Variants in FRK observed in about 807,000 individuals in gnomAD.
FRK encodes tyrosine-protein kinase FRK.
A neutral mutation model predicts 56.4 loss-of-function variants in FRK; 51 were observed. The observed-to-expected ratio is 0.90, with a 90% CI of 0.72 to 1.14. The LOEUF (loss-of-function observed/expected upper bound fraction) is 1.14, where lower values mean the gene tolerates loss of function less well. Ranked by LOEUF, FRK falls within the 50% of genes most tolerant of loss-of-function variation. The probability of loss-of-function intolerance (pLI) is 0.00; values close to 1 mark genes in which losing one functional copy is unlikely to be tolerated. For missense variants in FRK, 570 were observed against 601.4 expected (o/e 0.95, Z 0.55); for synonymous variants, 245 against 217.9 (o/e 1.12, Z -1.10).
chr6:115,977,334 T>A (rs1774026545), intron 2 of FRK, among the ~76,000 whole-genome samples: 1 of 152,180 alleles, frequency 6.6e-6, no homozygotes, highest in Admixed American at 6.5e-5. Flanking sequence ...AGTTGTTCTC[T>A]CCTTTCCTGG....
At chr6:115,977,986 C>T (rs1199115581) in intron 2 of FRK, among the ~76,000 whole-genome samples, 2 of 152,070 alleles carry the variant, frequency 1.3e-5, no homozygotes, top group African/African-American at 4.8e-5. Context: ...TTGAAAATTA[C>T]AATTTCCCAT....
chr6:115,998,687 A>T (rs910737382), intron 2 of FRK, among the ~76,000 whole-genome samples: 1 of 152,224 alleles, frequency 6.6e-6, no homozygotes, highest in Admixed American at 6.5e-5. Flanking sequence ...GACTGAGTTC[A>T]GGGACTGTGC....
intron 2 of FRK, among the ~76,000 whole-genome samples, chr6:115,984,770 A>C (rs1434695382): frequency 4.0e-5 from 6 of 148,520 alleles, no homozygotes; most frequent in African/African-American, 1.5e-4. Flanking sequence ...AAAAAAAAAA[A>C]CTCCAATAGC....
intron 1 of FRK, among the ~76,000 whole-genome samples, chr6:116,040,529 C>G (rs1017454814): frequency 1.3e-5 from 2 of 152,056 alleles, no homozygotes; most frequent in Non-Finnish European, 2.9e-5. Flanking sequence ...TACATGTAGT[C>G]TCTTGAAACT....
chr6:115,943,770 G>C (rs1310481972), intron 6 of FRK, among the ~76,000 whole-genome samples: 1 of 152,106 alleles, frequency 6.6e-6, no homozygotes, highest in Non-Finnish European at 1.5e-5. Context: ...ATTAATTTAA[G>C]AGAAAAGCAC....
At chr6:116,033,902 G>T (rs1776381487) in intron 1 of FRK, among the ~76,000 whole-genome samples, 1 of 152,182 alleles carries the variant, frequency 6.6e-6, no homozygotes, top group South Asian at 2.1e-4. Flanking sequence ...GGTTGGACCA[G>T]ATGGGGACAG....
the FRK span, among the ~76,000 whole-genome samples, chr6:116,100,590 G>T: frequency 6.6e-6 from 1 of 152,194 alleles, no homozygotes; most frequent in Non-Finnish European, 1.5e-5. Context: ...ACAGGTCTCA[G>T]CTGTGCAGCA....
intron 5 of FRK, among the ~76,000 whole-genome samples, chr6:115,949,836 C>G (rs1202290424): frequency 1.3e-5 from 2 of 151,180 alleles, no homozygotes; most frequent in African/African-American, 4.9e-5. Flanking sequence ...AAACAGATAT[C>G]TAGACCAACG....
intron 2 of FRK, among the ~76,000 whole-genome samples, chr6:115,985,933 T>C (rs573234961): frequency 6.7e-6 from 1 of 148,608 alleles, no homozygotes; most frequent in African/African-American, 2.5e-5. Context: ...GCTGAGTGCT[T>C]ATATTATACA....
In FRK at chr6:115,939,871, G is replaced by A. The variant is rs1482049450; in HGVS notation, c.*2543C>T. 2 of 152,172 alleles carry A rather than the reference G, an allele frequency of 1.3e-5. No individual in the cohort carries two copies. Among genetic ancestry groups the A allele is most frequent in the Non-Finnish European group, 2.9e-5 (2 of 68,054 alleles). The allele number at this position is 152,172 out of a possible 1,614,324, so 9.4% of individuals were successfully genotyped here. A position where few individuals can be genotyped will look rare whatever the true frequency, so the allele number is the denominator to read the frequency against. On this transcript the variant is annotated 3_prime_UTR_variant, in exon 8 of 8. Transcript: ENST00000606080. ...AAAAACATTCCATGCTCATGGATAG[G>A]AAGAATCAATATCGTGAAAATGGCC...
intron 1 of FRK, among the ~76,000 whole-genome samples, chr6:116,041,010 C>A (rs1776687464): frequency 6.6e-6 from 1 of 152,116 alleles, no homozygotes; most frequent in African/African-American, 2.4e-5. Context: ...GAAAAATTAT[C>A]TATTGGGATT....
At chr6:115,948,855 T>C (rs536373121) in intron 5 of FRK, among the ~76,000 whole-genome samples, 1 of 152,314 alleles carries the variant, frequency 6.6e-6, no homozygotes, top group African/African-American at 2.4e-5. Context: ...ATAACATCAG[T>C]GCTATGAATA....
intron 1 of FRK, among the ~76,000 whole-genome samples, chr6:116,047,193 C>T (rs2114805115): frequency 6.6e-6 from 1 of 152,068 alleles, no homozygotes; most frequent in South Asian, 2.1e-4. Context: ...AGGCCAAATC[C>T]ATGGAGCTAA....
At chr6:115,969,088 C>T (rs757880691) in intron 2 of FRK, among the ~76,000 whole-genome samples, 16 of 152,154 alleles carry the variant, frequency 1.1e-4, no homozygotes, top group Non-Finnish European at 2.2e-4. Flanking sequence ...TGAGGAATCA[C>T]AGTATCCATA....
At chr6:115,994,338 C>CCCCCT (rs1554230544) in intron 2 of FRK, among the ~76,000 whole-genome samples, 26 of 91,762 alleles carry the variant, frequency 2.8e-4, no homozygotes, top group Non-Finnish European at 4.1e-4. Flanking sequence ...CCCCCCCCGC[C>CCCCCT]TTTTTTTTGT....
At chr6:116,053,142 C>T (rs868359112) in intron 1 of FRK, among the ~76,000 whole-genome samples, 1 of 152,054 alleles carries the variant, frequency 6.6e-6, no homozygotes, top group Middle Eastern at 3.2e-3. Context: ...TGTTCTTAGG[C>T]ATACCATAGG....
chr6:116,022,098 T>C (rs1385311406), intron 1 of FRK, among the ~76,000 whole-genome samples: 1 of 151,850 alleles, frequency 6.6e-6, no homozygotes, highest in Non-Finnish European at 1.5e-5. Flanking sequence ...CCAATACATA[T>C]AAAGTACCCA....
chr6:116,043,446 C>T (rs932591205), intron 1 of FRK, among the ~76,000 whole-genome samples: 3 of 152,128 alleles, frequency 2.0e-5, no homozygotes, highest in African/African-American at 7.2e-5. Context: ...CTCAAAACCT[C>T]ACAACTACAT....
chr6:115,984,742 C>T (rs1774327787), intron 2 of FRK, among the ~76,000 whole-genome samples: 1 of 137,566 alleles, frequency 7.3e-6, no homozygotes, highest in Non-Finnish European at 1.6e-5. Context: ...CACACAAAGT[C>T]TAAGGGGAGA....
Sources: gnomAD v4.1 joint callset for allele counts (sites outside exome capture counted in the v4.1 genomes callset) on GRCh38, gnomAD v4.1.1 for gene constraint, MANE v1.5 for transcripts, NCBI Gene and HGNC (gene_info 2026-07-23, HGNC 2026-07-21) for gene names.